Variants in CERK observed in about 807,000 individuals in gnomAD.
The protein encoded by CERK is ceramide kinase.
A neutral mutation model predicts 63.4 loss-of-function variants in CERK; 39 were observed. The observed-to-expected ratio is 0.61, with a 90% CI of 0.48 to 0.80. CERK has a LOEUF of 0.80. CERK is among the 30% of genes least tolerant of loss of function. The pLI is 0.00. For synonymous variants in CERK, 302 were observed against 280.0 expected (o/e 1.08, Z -0.78); for missense variants, 670 against 714.1 (o/e 0.94, Z 0.70).
intron 11 of CERK, 50 bp from the exon 12 acceptor site, chr22:46,690,250 G>A (rs756375684): frequency 3.0e-5 from 46 of 1,534,094 alleles, no homozygotes; most frequent in Non-Finnish European, 4.1e-5. Flanking sequence ...GTCATCGTCT[G>A]GGTGGGGCAG....
chr22:46,737,823 G>A (rs1172561972), intron 1 of CERK, among the ~76,000 whole-genome samples, 184 bp downstream of exon 1: 3 of 152,136 alleles, frequency 2.0e-5, no homozygotes, highest in Admixed American at 2.0e-4. Flanking sequence ...GCGGCGCACA[G>A]CCCGGCCCCT....
At chr22:46,692,426 TAAAAAAA>T (rs553286743) in intron 10 of CERK, among the ~76,000 whole-genome samples, 2,828 of 93,092 alleles carry the variant, frequency 0.03, 46 homozygotes, top group Non-Finnish European at 0.041. Flanking sequence ...AACTCTGTCT[TAAAAAAA>T]AAAAAAAAAA....
rs764733858 is a variant in CERK at position 46,690,008 on chromosome 22, G to C, written c.1525C>G (p.Pro509Ala). 1 of 1,607,708 alleles carries C rather than the reference G, an allele frequency of 6.2e-7. No homozygotes were observed. The highest frequency in any genetic ancestry group is 1.7e-5 in the Admixed American group (1 of 59,824). Residue 509 changes from proline to alanine, a missense_variant, in exon 12 of 13, where the codon CCT becomes GCT. Physicochemically the swap from Pro to Ala is conservative, Grantham distance 27. Coordinates refer to ENST00000216264, the MANE Select transcript of CERK (RefSeq NM_022766.6). ...TGCACGCACCTGACCTCGATGGCAG[G>C]GCTGTGCAGGACCTCCCCGTCGCAG... ...WNCDGEVLHS[P>A]AIEVRVHCQL...
intron 4 of CERK, among the ~76,000 whole-genome samples, chr22:46,711,678 C>G (rs2082841796): frequency 1.3e-5 from 2 of 152,118 alleles, no homozygotes; most frequent in African/African-American, 4.8e-5. Flanking sequence ...TAGTGTTTTT[C>G]TTGATTGCCT....
chr22:46,723,742 C>T (rs186257410), intron 1 of CERK, among the ~76,000 whole-genome samples: 6 of 151,524 alleles, frequency 4.0e-5, no homozygotes, highest in Admixed American at 2.6e-4. Flanking sequence ...GAGTCTTGCT[C>T]GTCACCCAGG....
chr22:46,732,490 G>T (rs2082950087), intron 1 of CERK, among the ~76,000 whole-genome samples: 1 of 152,048 alleles, frequency 6.6e-6, no homozygotes, highest in Non-Finnish European at 1.5e-5. Context: ...CACAGAAAGT[G>T]TATCTTCTCG....
intron 1 of CERK, among the ~76,000 whole-genome samples, chr22:46,725,518 C>T (rs1319064388): frequency 2.0e-5 from 3 of 152,188 alleles, no homozygotes; most frequent in Admixed American, 6.5e-5. Flanking sequence ...CCACAGCATC[C>T]GCGGGAGAAA....
rs2082821663 is a variant in CERK, at chr22:46,707,929, C to T, written c.629G>A (p.Arg210Lys). Reference protein sequence around the residue: ...FSEVLHGLIGRTQRSAGVDQN... With the variant: ...FSEVLHGLIGKTQRSAGVDQN... ...GTCGACCCCGGCGCTCCTCTGCGTC[C>T]TCCCAATCAGACCGTGCAGCACCTC... Residue 210 changes from arginine to lysine, a missense_variant, in exon 6 of 13, where the codon AGG (arginine) becomes AAG (lysine). Transcript: ENST00000216264. 2.5e-6 allele frequency: 4 copies of T among 1,613,832 alleles called. No individual in the cohort carries two copies. The Admixed American group carries it at 5.0e-5, about 20-fold the overall frequency.
chr22:46,707,085 AC>A (rs1050918227), intron 6 of CERK, among the ~76,000 whole-genome samples: 19 of 151,842 alleles, frequency 1.3e-4, no homozygotes, highest in African/African-American at 3.6e-4. Context: ...CTGTGACCTC[AC>A]CCCCAGTCCT....
At chr22:46,710,858 A>G (rs1429980369) in intron 5 of CERK, among the ~76,000 whole-genome samples, 10 of 152,228 alleles carry the variant, frequency 6.6e-5, no homozygotes, top group African/African-American at 2.4e-4. Context: ...GAAAGGGAAC[A>G]GAACCAGCAA....
At chr22:46,702,750 C>T (rs146040449) in intron 6 of CERK, among the ~76,000 whole-genome samples, 69 of 152,370 alleles carry the variant, frequency 4.5e-4, no homozygotes, top group African/African-American at 1.6e-3. Context: ...TTTTATCCTG[C>T]GCTTCACTGG....
At chr22:46,710,145 C>T (rs1238285662) in intron 5 of CERK, among the ~76,000 whole-genome samples, 2 of 152,126 alleles carry the variant, frequency 1.3e-5, no homozygotes, top group Non-Finnish European at 2.9e-5. Context: ...AGAATGTAAA[C>T]TGGCCGGGCG....
Position 46,720,165 on chromosome 22 carries a change from C to T in CERK, c.300G>A (p.Ala100=), listed in dbSNP as rs541117387. ...KRARRHRWKW[A]QVTFWCPEEQ... is the part of the protein sequence containing the mutation. ...CCTCTGGACACCAGAAAGTCACCTGCGCCCACTTCCAGCGGTGCCGTCGTG... is the reference window on the plus strand; with the variant it reads ...CCTCTGGACACCAGAAAGTCACCTGTGCCCACTTCCAGCGGTGCCGTCGTG... Residue 100 remains alanine, a synonymous_variant, in exon 3 of 13, where the codon GCG becomes GCA. Transcript: ENST00000216264. 1.1e-4 allele frequency: 181 copies of T among 1,614,040 alleles called. No individual in the cohort carries two copies. In the South Asian group the frequency reaches 1.9e-3, roughly 17 times the overall value.
At chr22:46,705,687 C>A (rs542616457) in intron 6 of CERK, among the ~76,000 whole-genome samples, 359 of 152,000 alleles carry the variant, frequency 2.4e-3, no homozygotes, top group Non-Finnish European at 4.2e-3. Flanking sequence ...ACCAACCAAC[C>A]AACCCAAAGA....
chr22:46,697,839 C>A (rs951360869), intron 8 of CERK, among the ~76,000 whole-genome samples: 1 of 152,226 alleles, frequency 6.6e-6, no homozygotes, highest in Non-Finnish European at 1.5e-5. Context: ...CCTTTTCCAG[C>A]GTTTAAAAGC....
At chr22:46,716,707 G>C (rs551983484) in intron 3 of CERK, among the ~76,000 whole-genome samples, 9 of 151,876 alleles carry the variant, frequency 5.9e-5, no homozygotes, top group Non-Finnish European at 1.3e-4. Flanking sequence ...GGGAGGCTGA[G>C]GCAGGTAGAT....
At chr22:46,730,305 C>CA (rs565029531) in intron 1 of CERK, among the ~76,000 whole-genome samples, 50 of 151,568 alleles carry the variant, frequency 3.3e-4, no homozygotes, top group African/African-American at 1.2e-3. Flanking sequence ...CCTGTAATCC[C>CA]AGCTACTCAG....
chr22:46,698,937 T>G (rs970768437), intron 8 of CERK, among the ~76,000 whole-genome samples: 1 of 152,102 alleles, frequency 6.6e-6, no homozygotes, highest in African/African-American at 2.4e-5. Context: ...AAAAACTATT[T>G]TTTTTCCAAT....
chr22:46,706,664 G>A (rs1306881818), intron 6 of CERK, among the ~76,000 whole-genome samples: 1 of 152,152 alleles, frequency 6.6e-6, no homozygotes, highest in African/African-American at 2.4e-5. Context: ...AAGCCAAAGG[G>A]AAGGGATCGT....
Sources: gnomAD v4.1 joint callset for allele counts (sites outside exome capture counted in the v4.1 genomes callset) on GRCh38, gnomAD v4.1.1 for gene constraint, MANE v1.5 for transcripts, NCBI Gene and HGNC (gene_info 2026-07-23, HGNC 2026-07-21) for gene names.